The following SMYD3 variants were observed in gnomAD, a reference collection of about 807,000 sequenced individuals.
SMYD3 encodes histone-lysine N-methyltransferase SMYD3.
Under a neutral mutation model 57.7 loss-of-function variants are expected in SMYD3, and 36 were observed. The observed-to-expected ratio is 0.62, with a 90% CI of 0.48 to 0.82. The LOEUF (loss-of-function observed/expected upper bound fraction) is 0.82. Ranked by LOEUF, SMYD3 falls within the 40% of genes least tolerant of loss-of-function variation. The probability of loss-of-function intolerance (pLI) is 0.00; values close to 1 mark genes in which losing one functional copy is unlikely to be tolerated. For synonymous variants in SMYD3, 211 were observed against 195.0 expected, an observed-to-expected ratio of 1.08 and a Z score of -0.68; for missense variants, 515 against 538.8, an observed-to-expected ratio of 0.96 and a Z score of 0.44.
chr1:245,962,335 A>G (rs982285010), intron 5 of SMYD3, among the ~76,000 whole-genome samples: 2 of 152,154 alleles, frequency 1.3e-5, no homozygotes, highest in African/African-American at 4.8e-5. Flanking sequence ...ATCTTGCAAG[A>G]TGAGTATACA....
At chr1:245,914,197 T>A (rs1299907711) in intron 8 of SMYD3, among the ~76,000 whole-genome samples, 1 of 152,208 alleles carries the variant, frequency 6.6e-6, no homozygotes, top group Non-Finnish European at 1.5e-5. Flanking sequence ...ATAGCCATTA[T>A]GGAAAACAGC....
intron 1 of SMYD3, among the ~76,000 whole-genome samples, chr1:246,436,821 T>C (rs573415214): frequency 5.3e-5 from 8 of 152,228 alleles, no homozygotes; most frequent in Non-Finnish European, 1.2e-4. Flanking sequence ...GTAATGGTCA[T>C]TGTTTTGTCC....
chr1:246,428,033 T>C (rs1049537118), intron 1 of SMYD3, among the ~76,000 whole-genome samples: 7 of 152,184 alleles, frequency 4.6e-5, no homozygotes, highest in East Asian at 1.9e-4. Flanking sequence ...CAATGAAATG[T>C]TCAAATATAA....
chr1:246,208,847 G>A (rs2063041685), intron 5 of SMYD3, among the ~76,000 whole-genome samples: 2 of 152,020 alleles, frequency 1.3e-5, no homozygotes, highest in African/African-American at 2.4e-5. Context: ...TGTGGAATGG[G>A]GGAAAACCAA....
intron 5 of SMYD3, among the ~76,000 whole-genome samples, chr1:246,296,920 G>A (rs181911353): frequency 6.6e-6 from 1 of 152,136 alleles, no homozygotes; most frequent in African/African-American, 2.4e-5. Flanking sequence ...AATGCTTCTA[G>A]GTTGAGGAAC....
intron 10 of SMYD3, among the ~76,000 whole-genome samples, chr1:245,799,205 C>T (rs775935708): frequency 2.0e-5 from 3 of 152,178 alleles, no homozygotes; most frequent in Non-Finnish European, 2.9e-5. Context: ...CCCTGGTCCT[C>T]CTACACAGCT....
intron 1 of SMYD3, among the ~76,000 whole-genome samples, chr1:246,408,916 C>T (rs889133035): frequency 6.6e-6 from 1 of 152,136 alleles, no homozygotes; most frequent in African/African-American, 2.4e-5. Context: ...ATGATCTGCC[C>T]GCTTCGGTCT....
intron 1 of SMYD3, among the ~76,000 whole-genome samples, chr1:246,441,721 C>G (rs2067473742): frequency 6.6e-6 from 1 of 152,218 alleles, no homozygotes; most frequent in Non-Finnish European, 1.5e-5. Context: ...AAACGGTTCT[C>G]CTGCCTCTGC....
intron 5 of SMYD3, among the ~76,000 whole-genome samples, chr1:245,948,006 G>A (rs1053624992): frequency 4.6e-5 from 7 of 152,070 alleles, no homozygotes; most frequent in African/African-American, 7.2e-5. Context: ...AGGTCCATCC[G>A]TGTTGTTCCT....
At chr1:245,850,160 C>T (rs2050889766) in intron 10 of SMYD3, among the ~76,000 whole-genome samples, 2 of 152,126 alleles carry the variant, frequency 1.3e-5, no homozygotes, top group South Asian at 4.1e-4. Flanking sequence ...CACAGGTCGC[C>T]CTGGCCAGAT....
At chr1:246,417,718 G>C (rs1048908919) in intron 1 of SMYD3, among the ~76,000 whole-genome samples, 1 of 152,136 alleles carries the variant, frequency 6.6e-6, no homozygotes, top group Non-Finnish European at 1.5e-5. Context: ...AACCAAGCTA[G>C]GGAACAATGG....
chr1:246,117,129 T>C (rs2061353307), intron 5 of SMYD3, among the ~76,000 whole-genome samples: 1 of 152,222 alleles, frequency 6.6e-6, no homozygotes, highest in African/African-American at 2.4e-5. Flanking sequence ...CACTCTACAC[T>C]TGCTTGTCAG....
chr1:245,798,271 C>T (rs1056188775), intron 10 of SMYD3, among the ~76,000 whole-genome samples: 1 of 151,550 alleles, frequency 6.6e-6, no homozygotes, highest in Non-Finnish European at 1.5e-5. Context: ...TGAGCCCCTT[C>T]CCTACCCTCA....
At chr1:246,060,859 G>T (rs2060240652) in intron 5 of SMYD3, among the ~76,000 whole-genome samples, 1 of 152,144 alleles carries the variant, frequency 6.6e-6, no homozygotes, top group African/African-American at 2.4e-5. Flanking sequence ...ACACTAACTG[G>T]CTGACTACAC....
At chr1:246,086,930 A>G (rs2060731591) in intron 5 of SMYD3, among the ~76,000 whole-genome samples, 1 of 151,718 alleles carries the variant, frequency 6.6e-6, no homozygotes, top group Admixed American at 6.6e-5. Context: ...CCCTGTGTCC[A>G]TGTGTTTTCA....
At chr1:246,249,045 T>TA (rs1470835873) in intron 5 of SMYD3, among the ~76,000 whole-genome samples, 1 of 152,064 alleles carries the variant, frequency 6.6e-6, no homozygotes, top group Non-Finnish European at 1.5e-5. Context: ...AAGTGCATTT[T>TA]AAAATAGGTG....
chr1:246,301,846 G>A (rs987902677), intron 5 of SMYD3, among the ~76,000 whole-genome samples: 10 of 152,224 alleles, frequency 6.6e-5, no homozygotes, highest in South Asian at 4.2e-4. Flanking sequence ...AATATTATAC[G>A]TGTCACTGAT....
chr1:246,495,348 CAAAAAAAAAAAAAAA>C (rs11329443), intron 1 of SMYD3, among the ~76,000 whole-genome samples: 2 of 57,880 alleles, frequency 3.5e-5, no homozygotes, highest in Non-Finnish European at 5.9e-5. Context: ...GACTCCGTCT[CAAAAAAAAAAAAAAA>C]AAAAAAAAAG....
chr1:246,178,235 C>T (rs1050821128), intron 5 of SMYD3, among the ~76,000 whole-genome samples: 2 of 152,064 alleles, frequency 1.3e-5, no homozygotes, highest in African/African-American at 4.8e-5. Flanking sequence ...GGATCAGAGA[C>T]GGTCCTTCTG....
Sources: gnomAD v4.1 joint callset for allele counts (sites outside exome capture counted in the v4.1 genomes callset) on GRCh38, gnomAD v4.1.1 for gene constraint, MANE v1.5 for transcripts, NCBI Gene and HGNC (gene_info 2026-07-23, HGNC 2026-07-21) for gene names.